PLCL1: variants seen among roughly 807,000 people sequenced by gnomAD.
PLCL1 encodes the protein phospholipase C like 1 (inactive), also known as inactive phospholipase C-like protein 1.
A neutral mutation model predicts 84.4 loss-of-function variants in PLCL1; 41 were observed. That is an observed-to-expected ratio of 0.49 (90% confidence interval 0.38 to 0.63). The LOEUF (loss-of-function observed/expected upper bound fraction) is 0.63. Among genes scored for constraint, PLCL1 ranks in the 30% least tolerant of loss-of-function variants. The pLI is 0.00. For missense variants in PLCL1, 1,206 were observed against 1,367.8 expected (o/e 0.88, Z 1.87); for synonymous variants, 490 against 488.3 (o/e 1.00, Z -0.05).
intron 1 of PLCL1, among the ~76,000 whole-genome samples, chr2:198,034,103 G>A (rs971132642): frequency 3.7e-4 from 57 of 152,002 alleles, no homozygotes; most frequent in African/African-American, 1.3e-3. Context: ...CCATTAACTC[G>A]TCATTTACGT....
chr2:198,005,303 G>T (rs1281058559), intron 1 of PLCL1, among the ~76,000 whole-genome samples: 1 of 152,224 alleles, frequency 6.6e-6, no homozygotes, highest in Non-Finnish European at 1.5e-5. Flanking sequence ...TTCACCAGCA[G>T]ATTTCAAAGG....
intron 1 of PLCL1, among the ~76,000 whole-genome samples, chr2:197,848,328 T>C (rs942550842): frequency 6.6e-6 from 1 of 152,216 alleles, no homozygotes. Flanking sequence ...AGATTTCTGA[T>C]AAGAAAGAGT....
intron 1 of PLCL1, among the ~76,000 whole-genome samples, chr2:197,912,508 G>A (rs1574945198): frequency 6.6e-6 from 1 of 151,400 alleles, no homozygotes; most frequent in Non-Finnish European, 1.5e-5. Flanking sequence ...TGTTTATTGC[G>A]GCATTATTCA....
At chr2:198,008,221 C>G (rs964301590) in intron 1 of PLCL1, among the ~76,000 whole-genome samples, 3 of 151,986 alleles carry the variant, frequency 2.0e-5, no homozygotes, top group East Asian at 3.9e-4. Flanking sequence ...GTAAAAAGCA[C>G]ATAACATTAA....
intron 1 of PLCL1, among the ~76,000 whole-genome samples, chr2:198,051,531 C>T (rs116083883): frequency 6.6e-4 from 100 of 152,022 alleles, no homozygotes; most frequent in African/African-American, 2.2e-3. Flanking sequence ...ATCTTCCAAC[C>T]ACATTCATAT....
intron 1 of PLCL1, among the ~76,000 whole-genome samples, chr2:198,010,070 C>G (rs1308979353): frequency 6.6e-6 from 1 of 151,872 alleles, no homozygotes; most frequent in East Asian, 1.9e-4. Flanking sequence ...TTAGTTCTAA[C>G]ATTTTTGTGT....
chr2:197,852,986 T>C (rs79015142), intron 1 of PLCL1, among the ~76,000 whole-genome samples: 1 of 152,172 alleles, frequency 6.6e-6, no homozygotes, highest in Non-Finnish European at 1.5e-5. Flanking sequence ...TCTTCCCCAA[T>C]TGAAATTCTA....
chr2:197,887,010 A>G (rs912925897), intron 1 of PLCL1, among the ~76,000 whole-genome samples: 3 of 152,212 alleles, frequency 2.0e-5, no homozygotes, highest in Non-Finnish European at 2.9e-5. Flanking sequence ...ATAGCCATGC[A>G]AAGAATTAAA....
At chr2:197,820,446 T>A (rs1690793552) in intron 1 of PLCL1, among the ~76,000 whole-genome samples, 1 of 152,128 alleles carries the variant, frequency 6.6e-6, no homozygotes, top group Non-Finnish European at 1.5e-5. Flanking sequence ...AAGCCCAGTT[T>A]TCTTAGCACT....
chr2:197,813,558 A>G (rs1250586924), intron 1 of PLCL1, among the ~76,000 whole-genome samples: 1 of 152,164 alleles, frequency 6.6e-6, no homozygotes, highest in African/African-American at 2.4e-5. Flanking sequence ...TTAATCTAAT[A>G]TATAAAACAC....
At chr2:198,074,582 T>C (rs1255085761) in intron 1 of PLCL1, among the ~76,000 whole-genome samples, 1 of 152,114 alleles carries the variant, frequency 6.6e-6, no homozygotes, top group Non-Finnish European at 1.5e-5. Context: ...GAGCTTGCAG[T>C]GAGCCGAGAT....
intron 1 of PLCL1, among the ~76,000 whole-genome samples, chr2:197,908,266 G>C (rs765745187): frequency 1.6e-4 from 24 of 152,150 alleles, no homozygotes; most frequent in Non-Finnish European, 2.9e-4. Flanking sequence ...GTGCTGACTA[G>C]AAATAAAATA....
In PLCL1 at chr2:198,148,067, A is replaced by G. The variant is rs887652865; in HGVS notation, c.*1105A>G. 1 of 152,322 alleles carries G rather than the reference A, an allele frequency of 6.6e-6. No homozygotes were observed. The highest frequency in any genetic ancestry group is 2.4e-5 in the African/African-American group (1 of 41,454). 9.4% of individuals were successfully genotyped at this position (152,322 alleles called of 1,614,324 possible). ...ACACACACAGAAAAGCATACATGCA[A>G]AAAGAAATGACTAATTAGGGTACAT... On this transcript the variant is annotated 3_prime_UTR_variant, in exon 6 of 6. Coordinates refer to ENST00000428675, the MANE Select transcript of PLCL1 (RefSeq NM_006226.4).
chr2:197,993,309 T>C (rs1690382049), intron 1 of PLCL1, among the ~76,000 whole-genome samples: 1 of 152,200 alleles, frequency 6.6e-6, no homozygotes, highest in East Asian at 1.9e-4. Context: ...TATATCTTCT[T>C]TGGAGAAATG....
rs529550692 is a variant in PLCL1, at chr2:197,930,723, T to C, written c.240+125384T>C. Among the ~76,000 whole-genome samples the C allele has an allele frequency of 2.0e-5, 3 of 152,232 alleles. No homozygotes were observed. The East Asian group carries it at 5.8e-4, about 29-fold the overall frequency. The stretch of plus-strand genomic sequence containing the variant: ...AATTGTAATCAGTAGGTCATCTGCC[T>C]GCATAATTTTCAGGGAGCCATCTTG... On this transcript the variant is annotated intron_variant, in intron 1 of 5. Coordinates refer to ENST00000428675, the MANE Select transcript of PLCL1 (RefSeq NM_006226.4).
At chr2:197,889,235 G>C (rs1414674478) in intron 1 of PLCL1, among the ~76,000 whole-genome samples, 2 of 152,138 alleles carry the variant, frequency 1.3e-5, no homozygotes, top group South Asian at 2.1e-4. Context: ...TCTGTCTCCT[G>C]TCTCCCAGTG....
intron 1 of PLCL1, among the ~76,000 whole-genome samples, chr2:198,082,314 C>T (rs1420393563): frequency 2.0e-5 from 3 of 152,072 alleles, no homozygotes; most frequent in East Asian, 1.9e-4. Flanking sequence ...CATGGTGGCA[C>T]GTTCCTGTAA....
intron 1 of PLCL1, among the ~76,000 whole-genome samples, chr2:197,868,092 C>T (rs1687582265): frequency 6.6e-6 from 1 of 152,142 alleles, no homozygotes; most frequent in Non-Finnish European, 1.5e-5. Context: ...CTGTATTATT[C>T]ATTAGAAATA....
chr2:197,888,415 A>C (rs993131792), intron 1 of PLCL1, among the ~76,000 whole-genome samples: 1 of 152,186 alleles, frequency 6.6e-6, no homozygotes, highest in Non-Finnish European at 1.5e-5. Context: ...AGAAACATTA[A>C]GGGCTTATGA....
Sources: gnomAD v4.1 joint callset for allele counts (sites outside exome capture counted in the v4.1 genomes callset) on GRCh38, gnomAD v4.1.1 for gene constraint, MANE v1.5 for transcripts, NCBI Gene and HGNC (gene_info 2026-07-23, HGNC 2026-07-21) for gene names.